Variants in CACNA2D3 observed in about 807,000 individuals in gnomAD.
CACNA2D3 encodes the protein calcium voltage-gated channel auxiliary subunit alpha2delta 3, also known as voltage-dependent calcium channel subunit alpha-2/delta-3.
CACNA2D3 carries 60 observed loss-of-function variants against 160.6 expected under a neutral mutation model. The observed-to-expected ratio is 0.37, with a 90% CI of 0.30 to 0.46. CACNA2D3 has a LOEUF of 0.46. Among genes scored for constraint, CACNA2D3 ranks in the 20% least tolerant of loss-of-function variants. The pLI, the probability that CACNA2D3 is intolerant of heterozygous loss-of-function variation, is 1.00. For synonymous variants in CACNA2D3, 558 were observed against 492.9 expected, an observed-to-expected ratio of 1.13 and a Z score of -1.75; for missense variants, 1,205 against 1,365.0, an observed-to-expected ratio of 0.88 and a Z score of 1.85.
At chr3:54,425,192 C>T (rs1429933789) in intron 4 of CACNA2D3, among the ~76,000 whole-genome samples, 6 of 152,126 alleles carry the variant, frequency 3.9e-5, no homozygotes, top group Non-Finnish European at 8.8e-5. Context: ...ATTAGCCAGG[C>T]GTGGTGGCAG....
At chr3:54,264,583 C>T (rs1208654322) in intron 2 of CACNA2D3, among the ~76,000 whole-genome samples, 1 of 152,140 alleles carries the variant, frequency 6.6e-6, no homozygotes, top group Admixed American at 6.6e-5. Flanking sequence ...TGGCTATTAA[C>T]AGTAAAATAG....
intron 17 of CACNA2D3, among the ~76,000 whole-genome samples, chr3:54,848,925 G>T (rs553125705): frequency 1.3e-5 from 2 of 152,232 alleles, no homozygotes; most frequent in Non-Finnish European, 2.9e-5. Flanking sequence ...ATATCTCAGA[G>T]GCAGTAGTGG....
intron 3 of CACNA2D3, among the ~76,000 whole-genome samples, chr3:54,335,961 G>A (rs999042334): frequency 2.3e-5 from 3 of 129,238 alleles, no homozygotes; most frequent in Admixed American, 9.6e-5. Flanking sequence ...CTGAGATCGC[G>A]CCACTGTACT....
intron 27 of CACNA2D3, among the ~76,000 whole-genome samples, chr3:54,910,400 A>T (rs1167224926): frequency 6.6e-6 from 1 of 151,988 alleles, no homozygotes. Context: ...TCTGGAACCC[A>T]CTCCACAATG....
chr3:54,880,989 C>A, intron 21 of CACNA2D3, 126 bp downstream of exon 21: 1 of 760,268 alleles, frequency 1.3e-6, no homozygotes, highest in South Asian at 1.5e-5. Context: ...ACATTCCACT[C>A]AAACGAATGC....
chr3:54,969,688 T>C, intron 28 of CACNA2D3, 112 bp from the exon 29 acceptor site: 1 of 764,800 alleles, frequency 1.3e-6, no homozygotes, highest in Non-Finnish European at 2.2e-6. Flanking sequence ...ATTTGAATTC[T>C]AGCCCATGAC....
At chr3:54,441,583 T>A (rs146307437) in intron 4 of CACNA2D3, among the ~76,000 whole-genome samples, 3,115 of 152,310 alleles carry the variant, frequency 0.02, 91 homozygotes, top group African/African-American at 0.067. Flanking sequence ...CTGAATGGTA[T>A]TGCCTAGGTT....
intron 2 of CACNA2D3, among the ~76,000 whole-genome samples, chr3:54,148,974 C>CTAAA (rs1553735007): frequency 1.7e-5 from 2 of 116,588 alleles, no homozygotes; most frequent in Non-Finnish European, 1.8e-5. Flanking sequence ...AAAACTCCAT[C>CTAAA]AAAAAAAAAA....
At chr3:54,681,001 T>C (rs746729097) in intron 11 of CACNA2D3, among the ~76,000 whole-genome samples, 21 of 152,242 alleles carry the variant, frequency 1.4e-4, no homozygotes, top group Non-Finnish European at 2.6e-4. Context: ...GTGAGAACTC[T>C]GTTGTTAAGA....
intron 31 of CACNA2D3, among the ~76,000 whole-genome samples, chr3:54,993,460 C>T (rs538701128): frequency 1.6e-4 from 24 of 152,294 alleles, no homozygotes; most frequent in African/African-American, 5.1e-4. Context: ...CCATTTGTTA[C>T]ATGAGAAGCA....
At chr3:54,830,344 C>A (rs1703846933) in intron 14 of CACNA2D3, among the ~76,000 whole-genome samples, 2 of 152,284 alleles carry the variant, frequency 1.3e-5, no homozygotes, top group Middle Eastern at 3.4e-3. Flanking sequence ...TAGTACTACT[C>A]CTTTTCTGTC....
chr3:54,287,224 C>T (rs866221710), intron 2 of CACNA2D3, among the ~76,000 whole-genome samples: 9 of 151,972 alleles, frequency 5.9e-5, no homozygotes, highest in South Asian at 2.1e-4. Flanking sequence ...AATAAAGGGA[C>T]GGAGGAAGAT....
intron 5 of CACNA2D3, among the ~76,000 whole-genome samples, chr3:54,557,726 G>A (rs1361313775): frequency 1.3e-5 from 2 of 152,122 alleles, no homozygotes; most frequent in African/African-American, 4.8e-5. Flanking sequence ...CACAATAATC[G>A]TTATCAAGCT....
At chr3:54,954,533 G>C (rs1032127552) in intron 27 of CACNA2D3, among the ~76,000 whole-genome samples, 9 of 152,202 alleles carry the variant, frequency 5.9e-5, no homozygotes, top group African/African-American at 2.2e-4. Flanking sequence ...GGGTCTACCA[G>C]CCCTTCGGCT....
intron 10 of CACNA2D3, chr3:54,632,931 G>A (rs544036501): frequency 1.3e-5 from 2 of 152,352 alleles, no homozygotes; most frequent in East Asian, 3.9e-4. Context: ...TGGTGTGATA[G>A]CGGAGTTTCC....
chr3:54,301,648 A>G (rs1049412034), intron 2 of CACNA2D3, among the ~76,000 whole-genome samples: 9 of 152,176 alleles, frequency 5.9e-5, no homozygotes, highest in Admixed American at 2.0e-4. Flanking sequence ...GAAATAGTCC[A>G]TGATTTCCCG....
chr3:54,133,901 G>A (rs759841448), intron 2 of CACNA2D3, among the ~76,000 whole-genome samples: 2 of 152,280 alleles, frequency 1.3e-5, no homozygotes, highest in East Asian at 1.9e-4. Context: ...GATTCTTAGC[G>A]TTCAGGGCCT....
intron 4 of CACNA2D3, among the ~76,000 whole-genome samples, chr3:54,437,703 A>G (rs113691852): frequency 7.9e-5 from 12 of 152,342 alleles, no homozygotes; most frequent in African/African-American, 2.9e-4. Context: ...TGGGACCACA[A>G]GGAAATTCAC....
At chr3:54,174,996 AG>A (rs1700649005) in intron 2 of CACNA2D3, among the ~76,000 whole-genome samples, 1 of 152,146 alleles carries the variant, frequency 6.6e-6, no homozygotes, top group African/African-American at 2.4e-5. Context: ...TGTCTGGGGC[AG>A]GGGGTTTTGA....
Sources: allele counts gnomAD v4.1 joint callset (sites outside exome capture counted in the v4.1 genomes callset), GRCh38; gene constraint gnomAD v4.1.1; transcripts MANE v1.5; gene names NCBI Gene and HGNC (gene_info 2026-07-23, HGNC 2026-07-21).